The following PICALM variants were observed in gnomAD, a reference collection of about 807,000 sequenced individuals.
The protein encoded by PICALM is phosphatidylinositol binding clathrin assembly protein, also known as phosphatidylinositol-binding clathrin assembly protein.
PICALM carries 40 observed loss-of-function variants against 80.5 expected under a neutral mutation model. That is an observed-to-expected ratio of 0.50 (90% CI 0.39 to 0.65). The LOEUF is 0.65. Among genes scored for constraint, PICALM ranks in the 30% least tolerant of loss-of-function variants. The pLI is 0.00. For synonymous variants in PICALM, 288 were observed against 260.3 expected (o/e 1.11, Z -1.02); for missense variants, 676 against 778.9 (o/e 0.87, Z 1.57).
chr11:85,977,455 CTGTG>C (rs1169304131), intron 17 of PICALM, among the ~76,000 whole-genome samples: 2 of 152,084 alleles, frequency 1.3e-5, no homozygotes, highest in African/African-American at 2.4e-5. Context: ...ACAACATTTC[CTGTG>C]TGTGTTTCTC....
intron 3 of PICALM, among the ~76,000 whole-genome samples, chr11:86,025,037 T>C (rs923967922): frequency 6.6e-6 from 1 of 152,182 alleles, no homozygotes; most frequent in Admixed American, 6.5e-5. Flanking sequence ...CAGAACTAAG[T>C]AAAACAGATC....
chr11:86,060,433 T>C (rs1266253592), intron 1 of PICALM, among the ~76,000 whole-genome samples: 1 of 152,322 alleles, frequency 6.6e-6, no homozygotes, highest in African/African-American at 2.4e-5. Context: ...TAATAGGAAA[T>C]AGTTGAATTA....
chr11:85,990,487 G>A (rs1214650456), intron 12 of PICALM, 88 bp from the exon 13 acceptor site: 1 of 688,306 alleles, frequency 1.5e-6, no homozygotes, highest in East Asian at 3.0e-5. Context: ...AAAGTGAAAA[G>A]TAGTAACTAT....
intron 1 of PICALM, among the ~76,000 whole-genome samples, chr11:86,061,835 T>C (rs967867366): frequency 3.3e-5 from 5 of 152,226 alleles, no homozygotes; most frequent in Admixed American, 2.0e-4. Context: ...TTATTCACGA[T>C]TGCCAAAACT....
At chr11:85,995,970 T>G (rs2094946406) in intron 12 of PICALM, among the ~76,000 whole-genome samples, 1 of 152,174 alleles carries the variant, frequency 6.6e-6, no homozygotes, top group Non-Finnish European at 1.5e-5. Flanking sequence ...GCTCACAAAA[T>G]TACCATGAAA....
chr11:85,968,270 G>A (rs1260683218), intron 19 of PICALM, among the ~76,000 whole-genome samples: 1 of 150,834 alleles, frequency 6.6e-6, no homozygotes, highest in Non-Finnish European at 1.5e-5. Flanking sequence ...CAGCCTGGGG[G>A]ACAGAGTGAG....
At chr11:85,964,691 T>C (rs2093815422) in intron 19 of PICALM, among the ~76,000 whole-genome samples, 1 of 152,212 alleles carries the variant, frequency 6.6e-6, no homozygotes, top group African/African-American at 2.4e-5. Flanking sequence ...CTGTTATGTC[T>C]TTCTTATAAG....
chr11:86,004,997 G>A (rs574525972), intron 8 of PICALM, among the ~76,000 whole-genome samples: 9 of 152,276 alleles, frequency 5.9e-5, no homozygotes, highest in African/African-American at 1.9e-4. Context: ...GATGATAGTG[G>A]TTAACATTTA....
At chr11:86,054,228 CA>C (rs1275401885) in intron 1 of PICALM, among the ~76,000 whole-genome samples, 4 of 152,146 alleles carry the variant, frequency 2.6e-5, no homozygotes, top group Admixed American at 2.0e-4. Context: ...GCACATGTGC[CA>C]ACAGAATCAT....
intron 1 of PICALM, among the ~76,000 whole-genome samples, chr11:86,032,628 T>C (rs1318370269): frequency 6.6e-6 from 1 of 151,878 alleles, no homozygotes; most frequent in African/African-American, 2.4e-5. Flanking sequence ...TCTGCCTCAA[T>C]AAAAAATGTA....
chr11:85,986,899 T>G (rs905134065), intron 13 of PICALM, among the ~76,000 whole-genome samples: 9 of 152,178 alleles, frequency 5.9e-5, no homozygotes, highest in Middle Eastern at 3.2e-3. Context: ...CAAGGCCCAG[T>G]GAAAACTTTC....
intron 3 of PICALM, among the ~76,000 whole-genome samples, chr11:86,024,181 T>C: frequency 1.3e-5 from 2 of 151,088 alleles, no homozygotes; most frequent in South Asian, 4.2e-4. Flanking sequence ...AAAAAAAAAA[T>C]TTTTTTTTCA....
intron 1 of PICALM, among the ~76,000 whole-genome samples, chr11:86,049,142 A>T (rs1003151681): frequency 3.9e-5 from 6 of 152,022 alleles, no homozygotes; most frequent in African/African-American, 1.2e-4. Context: ...AAAATACAAA[A>T]ATTAGTCAGG....
At chr11:86,009,313 A>G (rs1366873649) in intron 7 of PICALM, among the ~76,000 whole-genome samples, 1 of 150,372 alleles carries the variant, frequency 6.7e-6, no homozygotes, top group East Asian at 1.9e-4. Flanking sequence ...AAAAAAAAAA[A>G]AAAAAAAAAA....
intron 1 of PICALM, among the ~76,000 whole-genome samples, chr11:86,068,281 G>A (rs977689373): frequency 1.3e-5 from 2 of 152,198 alleles, no homozygotes; most frequent in Non-Finnish European, 2.9e-5. Flanking sequence ...AGGGCGACGA[G>A]GCGGCACCGG....
intron 1 of PICALM, among the ~76,000 whole-genome samples, chr11:86,056,168 ATTAGACTTG>A (rs2096267682): frequency 7.0e-6 from 1 of 142,386 alleles, no homozygotes; most frequent in Non-Finnish European, 1.5e-5. Context: ...CCCTTGAAAA[ATTAGACTTG>A]AAAATTTAAA....
chr11:86,054,656 A>C (rs2096243103), intron 1 of PICALM, among the ~76,000 whole-genome samples: 1 of 152,024 alleles, frequency 6.6e-6, no homozygotes, highest in Non-Finnish European at 1.5e-5. Flanking sequence ...ACTCTCTCCT[A>C]CTTTGATCTT....
intron 1 of PICALM, among the ~76,000 whole-genome samples, chr11:86,037,713 T>C (rs914278246): frequency 6.6e-5 from 10 of 151,798 alleles, no homozygotes; most frequent in African/African-American, 1.9e-4. Context: ...AAAAAAGTTA[T>C]GTATGTGTAA....
At position 85,978,247 on chromosome 11, in the gene PICALM, C is replaced by T. The variant is rs529145948; in HGVS notation, c.1780-1565G>A. ...GTATTTCCAGTATCTAATGAAAGAA[C>T]ATCTATACTAAAACACTATCAAGGT... On this transcript the variant is annotated intron_variant, in intron 17 of 19. Transcript: ENST00000393346. The T allele has an allele frequency of 1.7e-3, 1,142 of 653,262 alleles. 4 individuals are homozygous for T. The highest frequency in any genetic ancestry group is 2.9e-3 in the Non-Finnish European group (1,025 of 357,372). The allele number at this position is 653,262 out of a possible 1,614,324, so 40.5% of individuals were successfully genotyped here.
Sources: allele counts gnomAD v4.1 joint callset (sites outside exome capture counted in the v4.1 genomes callset), GRCh38; gene constraint gnomAD v4.1.1; transcripts MANE v1.5; gene names NCBI Gene and HGNC (gene_info 2026-07-23, HGNC 2026-07-21).